The following PLAC8L1 variants were observed in gnomAD, a reference collection of about 807,000 sequenced individuals.
The protein encoded by PLAC8L1 is PLAC8-like protein 1.
A neutral mutation model predicts 16.3 loss-of-function variants in PLAC8L1; 13 were observed. The observed-to-expected ratio is 0.80, with a 90% confidence interval of 0.52 to 1.27. PLAC8L1 has a LOEUF of 1.27. Ranked by LOEUF, PLAC8L1 falls within the 50% of genes most tolerant of loss-of-function variation. PLAC8L1 has a pLI of 0.00. For missense variants in PLAC8L1, 184 were observed against 220.2 expected, an observed-to-expected ratio of 0.84 and a Z score of 1.04; for synonymous variants, 78 against 79.3, an observed-to-expected ratio of 0.98 and a Z score of 0.09.
intron 2 of PLAC8L1, among the ~76,000 whole-genome samples, chr5:146,092,139 T>G (rs35150639): frequency 0.22 from 34,017 of 151,754 alleles, 4,875 homozygotes; most frequent in Admixed American, 0.34. Flanking sequence ...AGCCCCGAGA[T>G]TAGAAGTAGG....
chr5:146,093,470 G>A lies in PLAC8L1; in HGVS notation c.256+4686C>T, dbSNP rs370480106. Among the ~76,000 whole-genome samples, 5 of 152,202 alleles carry A rather than the reference G, an allele frequency of 3.3e-5. No homozygotes were observed. In the East Asian group the frequency reaches 7.7e-4, roughly 23 times the overall value. ...AGGCTGTCGGGTCTTTGCCACGCAC[G>A]TTGCAGAGGGGATTTACGCAAACAG... On this transcript the variant is annotated intron_variant, in intron 2 of 3. Coordinates refer to ENST00000311450, the MANE Select transcript of PLAC8L1 (RefSeq NM_001029869.3).
chr5:146,085,503 G>T lies in PLAC8L1; in HGVS notation c.351C>A (p.Thr117=). ...CLCWPLLPGS[T]FALRIGTRER... ...CCCTGGTGCCAATTCTCAGTGCAAA[G>T]GTGGACCCAGGTAACAACGGCCAAC... Residue 117 remains threonine (T), a synonymous_variant, in exon 3 of 4, where the codon ACC becomes ACA. Coordinates refer to ENST00000311450, the MANE Select transcript of PLAC8L1 (RefSeq NM_001029869.3). 6.2e-7 allele frequency: 1 copy of T among 1,614,074 alleles called. No homozygotes were observed. Among genetic ancestry groups the T allele is most frequent in the Non-Finnish European group, 8.5e-7 (1 of 1,180,014 alleles).
At position 146,104,527 on chromosome 5, in the gene PLAC8L1, G is replaced by A. The variant is rs1219407504; in HGVS notation, c.-216C>T. 4.5e-5 allele frequency: 20 copies of A among 445,494 alleles called. No homozygotes were observed. The highest frequency in any genetic ancestry group is 1.6e-5 in the Non-Finnish European group (4 of 245,030). The allele number at this position is 445,494 out of a possible 1,614,324, so 27.6% of individuals were successfully genotyped here. A position where few individuals can be genotyped will look rare whatever the true frequency, so the allele number is the denominator to read the frequency against. ...GTGGACACATTCATCTTACTAATCT[G>A]TAGGGAGATATTGCTGGAGTATAGA... On this transcript the variant is annotated 5_prime_UTR_variant, in exon 1 of 4. Transcript: ENST00000311450.
chr5:146,085,822 CT>C (rs1268416881), intron 2 of PLAC8L1, among the ~76,000 whole-genome samples: 4 of 152,138 alleles, frequency 2.6e-5, no homozygotes, highest in Non-Finnish European at 5.9e-5. Context: ...AAAGATGAAC[CT>C]GATACAATTC....
At chr5:146,086,942 A>T (rs890830500) in intron 2 of PLAC8L1, among the ~76,000 whole-genome samples, 1 of 152,170 alleles carries the variant, frequency 6.6e-6, no homozygotes. Flanking sequence ...GTTCTGTGGG[A>T]TGAGTGTCAA....
At chr5:146,086,571 G>T (rs79628593) in intron 2 of PLAC8L1, among the ~76,000 whole-genome samples, 9 of 152,184 alleles carry the variant, frequency 5.9e-5, no homozygotes, top group African/African-American at 1.9e-4. Context: ...CCAACACAGA[G>T]GTTCTATTCT....
At chr5:146,097,158 A>G (rs1212495164) in intron 2 of PLAC8L1, among the ~76,000 whole-genome samples, 1 of 152,238 alleles carries the variant, frequency 6.6e-6, no homozygotes, top group Admixed American at 6.5e-5. Flanking sequence ...CAAGACCATC[A>G]GGTCCTGGAA....
Position 146,085,455 on chromosome 5 carries a change from A to G in PLAC8L1, c.393+6T>C, listed in dbSNP as rs199612917. 4.3e-6 allele frequency: 7 copies of G among 1,613,854 alleles called. No homozygotes were observed. Among genetic ancestry groups the G allele is most frequent in the South Asian group, 1.1e-5 (1 of 91,008 alleles). ...CGGGTTCACGTATACCTTCAAACACACTTACCTGTATTTTATGTCTCTCCC... is the reference window on the plus strand; with the variant it reads ...CGGGTTCACGTATACCTTCAAACACGCTTACCTGTATTTTATGTCTCTCCC... On this transcript the variant is annotated splice_donor_region_variant and intron_variant, in intron 3 of 3. Coordinates refer to ENST00000311450, the MANE Select transcript of PLAC8L1 (RefSeq NM_001029869.3).
At chr5:146,093,689 G>T (rs1230297286) in intron 2 of PLAC8L1, among the ~76,000 whole-genome samples, 1 of 152,176 alleles carries the variant, frequency 6.6e-6, no homozygotes, top group African/African-American at 2.4e-5. Context: ...AAGAAAACTG[G>T]TCCCTGCTTC....
chr5:146,092,832 G>T (rs935317489), intron 2 of PLAC8L1, among the ~76,000 whole-genome samples: 1 of 152,008 alleles, frequency 6.6e-6, no homozygotes, highest in Non-Finnish European at 1.5e-5. Context: ...CACCGCACCC[G>T]GCCGAATTTG....
At chr5:146,100,734 T>G (rs1763800468) in intron 1 of PLAC8L1, among the ~76,000 whole-genome samples, 1 of 152,162 alleles carries the variant, frequency 6.6e-6, no homozygotes, top group Non-Finnish European at 1.5e-5. Flanking sequence ...TATATTTTAA[T>G]ATGTTTGTTA....
At chr5:146,090,910 C>G (rs902175094) in intron 2 of PLAC8L1, among the ~76,000 whole-genome samples, 5 of 151,780 alleles carry the variant, frequency 3.3e-5, no homozygotes, top group Non-Finnish European at 7.4e-5. Context: ...AAAAATTAGC[C>G]GGGCGTGGTG....
At chr5:146,101,438 A>C (rs1382426841) in intron 1 of PLAC8L1, among the ~76,000 whole-genome samples, 1 of 152,178 alleles carries the variant, frequency 6.6e-6, no homozygotes, top group East Asian at 1.9e-4. Context: ...AAACAGATTA[A>C]GACATCTTTG....
chr5:146,098,046 T>C, intron 2 of PLAC8L1, 110 bp downstream of exon 2: 1 of 1,291,012 alleles, frequency 7.7e-7, no homozygotes, highest in Non-Finnish European at 1.1e-6. Flanking sequence ...AGTCCAGTTA[T>C]TCTGAAAACA....
intron 1 of PLAC8L1, among the ~76,000 whole-genome samples, chr5:146,103,389 C>T (rs1489267813): frequency 6.6e-6 from 1 of 152,050 alleles, no homozygotes; most frequent in Non-Finnish European, 1.5e-5. Context: ...GAATTCCTGA[C>T]TTCAGGTGAT....
At chr5:146,086,251 G>A (rs180943307) in intron 2 of PLAC8L1, among the ~76,000 whole-genome samples, 11 of 151,600 alleles carry the variant, frequency 7.3e-5, no homozygotes. Flanking sequence ...GGATGGTCTC[G>A]ATCTCCTGAC....
intron 2 of PLAC8L1, among the ~76,000 whole-genome samples, chr5:146,086,637 G>C (rs1262939138): frequency 2.0e-5 from 3 of 152,196 alleles, no homozygotes; most frequent in Non-Finnish European, 4.4e-5. Flanking sequence ...TATGAACTCA[G>C]TCCACAAGGG....
At chr5:146,096,177 C>T (rs1259902748) in intron 2 of PLAC8L1, among the ~76,000 whole-genome samples, 1 of 152,140 alleles carries the variant, frequency 6.6e-6, no homozygotes, top group Non-Finnish European at 1.5e-5. Context: ...ATCGTTGGTG[C>T]TCCTTGGCTT....
intron 1 of PLAC8L1, 90 bp from the exon 2 acceptor site, chr5:146,098,382 A>C: frequency 7.4e-7 from 1 of 1,351,660 alleles, no homozygotes; most frequent in Non-Finnish European, 1.0e-6. Context: ...AAGAAGAGAT[A>C]GGGACCCAAT....
Sources: allele counts gnomAD v4.1 joint callset (sites outside exome capture counted in the v4.1 genomes callset), GRCh38; gene constraint gnomAD v4.1.1; transcripts MANE v1.5; gene names NCBI Gene and HGNC (gene_info 2026-07-23, HGNC 2026-07-21).